Variants in USP44 observed in about 807,000 individuals in gnomAD.
The protein encoded by USP44 is ubiquitin specific peptidase 44, also known as ubiquitin carboxyl-terminal hydrolase 44.
Under a neutral mutation model 69.0 loss-of-function variants are expected in USP44, and 61 were observed. The observed-to-expected ratio is 0.88, with a 90% confidence interval of 0.72 to 1.09. The LOEUF (loss-of-function observed/expected upper bound fraction) is 1.09, where lower values mean the gene tolerates loss of function less well. USP44 is among the 50% of genes least tolerant of loss of function. The pLI is 0.00. For synonymous variants in USP44, 297 were observed against 295.4 expected (o/e 1.01, Z -0.06); for missense variants, 753 against 849.9 (o/e 0.89, Z 1.42).
Position 95,533,882 on chromosome 12 carries a change from T to C in USP44, c.375A>G (p.Thr125=), listed in dbSNP as rs1183098252. ...RSGRFLRSMG[T]GDDSYFLHDG... ...CATGTAAGAAATAAGAATCATCACC[T>C]GTACCCATGGACCGTAAAAACCTCC... The change falls in exon 2 of 6, where the codon ACA becomes ACG. Residue 125 remains threonine (T), a synonymous_variant. Coordinates refer to ENST00000258499, the MANE Select transcript of USP44 (RefSeq NM_032147.5). 1 of 1,614,204 alleles carries C rather than the reference T, an allele frequency of 6.2e-7. No homozygotes were observed. The highest frequency in any genetic ancestry group is 8.5e-7 in the Non-Finnish European group (1 of 1,180,026).
At position 95,533,072 on chromosome 12, in the gene USP44, T is replaced by C. The variant is rs1450800756; in HGVS notation, c.1185A>G (p.Gly395=). The change falls in exon 2 of 6, where the codon GGA becomes GGG. Residue 395 remains glycine, a synonymous_variant. Transcript: ENST00000258499. ...CAAATGGTGAGACCAACGCCCACTT[T>C]CCAGACCACATGACTTGGAACAAAG... ...LHTLFQVMWS[G]KWALVSPFAM... 4.3e-6 allele frequency: 7 copies of C among 1,614,230 alleles called. No homozygotes were observed. The highest frequency in any genetic ancestry group is 5.1e-6 in the Non-Finnish European group (6 of 1,180,048).
intron 4 of USP44, among the ~76,000 whole-genome samples, chr12:95,523,828 T>C (rs2076745993): frequency 6.6e-6 from 1 of 151,774 alleles, no homozygotes; most frequent in South Asian, 2.1e-4. Context: ...ATCAAAGGTA[T>C]TAGAAATATT....
Position 95,534,265 on chromosome 12 carries a change from T to A in USP44, c.-9A>T. The A allele has an allele frequency of 8.8e-6, 14 of 1,598,832 alleles. No homozygotes were observed. The highest frequency in any genetic ancestry group is 1.2e-5 in the Non-Finnish European group (14 of 1,170,346). Reference sequence around the variant, plus strand: ...GTATCCATTGCTAGCATTTATTTAGTCTAGCTGAGAAATGCATAATCCAAA... The same window carrying A: ...GTATCCATTGCTAGCATTTATTTAGACTAGCTGAGAAATGCATAATCCAAA... On this transcript the variant is annotated 5_prime_UTR_variant, in exon 2 of 6. Coordinates refer to ENST00000258499, the MANE Select transcript of USP44 (RefSeq NM_032147.5).
At position 95,546,375 on chromosome 12, in the gene USP44, C is replaced by A. The variant is rs550525717; in HGVS notation, c.-71+4897G>T. ...AAAACTCCATTAAAAATGAATTCTT[C>A]CTAATAAAGTTTTTTATGGCGTCTA... On this transcript the variant is annotated intron_variant, in intron 1 of 5. Transcript: ENST00000258499. The A allele has an allele frequency of 6.0e-4, 92 of 152,268 alleles. 1 individual carries two copies. Among genetic ancestry groups the A allele is most frequent in the African/African-American group, 2.2e-3 (91 of 41,536 alleles). The allele number at this position is 152,268 out of a possible 1,614,324, so 9.4% of individuals were successfully genotyped here. A position where few individuals can be genotyped will look rare whatever the true frequency, so the allele number is the denominator to read the frequency against.
At chr12:95,549,514 C>A (rs1424082332) in intron 1 of USP44, among the ~76,000 whole-genome samples, 4 of 152,166 alleles carry the variant, frequency 2.6e-5, no homozygotes, top group East Asian at 1.9e-4. Flanking sequence ...TTATTGGATT[C>A]TTTGTGTTCA....
intron 1 of USP44, among the ~76,000 whole-genome samples, chr12:95,541,942 T>C (rs2077404856): frequency 6.7e-6 from 1 of 149,862 alleles, no homozygotes; most frequent in Non-Finnish European, 1.5e-5. Context: ...AGCAGTGGTG[T>C]GATCTTGGCT....
At chr12:95,543,367 G>A (rs1301434215) in intron 1 of USP44, among the ~76,000 whole-genome samples, 1 of 137,696 alleles carries the variant, frequency 7.3e-6, no homozygotes, top group African/African-American at 2.8e-5. Flanking sequence ...TCATGCCACT[G>A]CAGCAGTCCA....
rs2077629541 is a variant in USP44, at chr12:95,548,044, C to T, written c.-71+3228G>A. ...CCGCGCACACTGACATATTTCTTAT[C>T]CCCCATAATGAATTCAGCCATATGG... On this transcript the variant is annotated intron_variant, in intron 1 of 5. Transcript: ENST00000258499. The surrounding 1 kb of genome is among the most constrained non-coding windows in gnomAD (Gnocchi z 4.1). The T allele has an allele frequency of 6.6e-6, 1 of 152,162 alleles. No homozygotes were observed. The highest frequency in any genetic ancestry group is 2.4e-5 in the African/African-American group (1 of 41,410). 9.4% of individuals were successfully genotyped at this position (152,162 alleles called of 1,614,324 possible).
At chr12:95,532,689 A>G (rs1394092667) in intron 2 of USP44, 140 bp downstream of exon 2, 3 of 679,142 alleles carry the variant, frequency 4.4e-6, no homozygotes, top group South Asian at 2.6e-5. Flanking sequence ...TGATTTCTCT[A>G]TACATATTTA....
chr12:95,547,074 A>G (rs1007479084), intron 1 of USP44: 1 of 152,238 alleles, frequency 6.6e-6, no homozygotes, highest in African/African-American at 2.4e-5. Context: ...TCCATTTTAA[A>G]TATTCCAAAA....
chr12:95,550,962 A>G (rs142509111), intron 1 of USP44, among the ~76,000 whole-genome samples: 1 of 152,294 alleles, frequency 6.6e-6, no homozygotes, highest in African/African-American at 2.4e-5. Context: ...AGATGTTTGT[A>G]GTTTAGCTTT....
Position 95,518,092 on chromosome 12 carries a change from T to C in USP44, c.*62A>G. ...CAAGAAAAAATGAAGTTTAAAATGG[T>C]ACATCAGTCTTTTAAAAAGTATATA... On this transcript the variant is annotated 3_prime_UTR_variant, in exon 6 of 6. Transcript: ENST00000258499. The C allele has an allele frequency of 6.4e-7, 1 of 1,551,566 alleles. No individual in the cohort carries two copies. Among genetic ancestry groups the C allele is most frequent in the East Asian group, 2.3e-5 (1 of 44,388 alleles).
At chr12:95,524,861 TTTAA>T in intron 3 of USP44, 73 bp from the exon 4 acceptor site, 3 of 1,312,394 alleles carry the variant, frequency 2.3e-6, no homozygotes, top group Middle Eastern at 1.9e-4. Context: ...GAACCTTCTT[TTTAA>T]TTAAGTCAGA....
chr12:95,533,485 T>G lies in USP44; in HGVS notation c.772A>C (p.Ser258Arg), dbSNP rs202154190. ...TSENEISQKV[S>R]DSSVKRRPIV... is the part of the protein sequence containing the mutation. ...GGCCTTCGTTTAACTGAGGAGTCAC[T>G]GACTTTTTGAGATATTTCATTTTCT... Residue 258 changes from serine (S) to arginine (R), a missense_variant, in exon 2 of 6, where the codon AGT (serine) becomes CGT (arginine). Coordinates refer to ENST00000258499, the MANE Select transcript of USP44 (RefSeq NM_032147.5). 4 of 1,614,218 alleles carry G rather than the reference T, an allele frequency of 2.5e-6. No homozygotes were observed. Among genetic ancestry groups the G allele is most frequent in the Middle Eastern group, 1.6e-4 (1 of 6,062 alleles).
intron 5 of USP44, among the ~76,000 whole-genome samples, chr12:95,519,493 A>G (rs529543311): frequency 7.5e-4 from 97 of 130,150 alleles, no homozygotes; most frequent in Non-Finnish European, 1.1e-3. Context: ...AGGCTGGAGT[A>G]CAGTGGCGCA....
chr12:95,542,953 T>C (rs1460646304), intron 1 of USP44, among the ~76,000 whole-genome samples: 1 of 148,732 alleles, frequency 6.7e-6, no homozygotes, highest in African/African-American at 2.5e-5. Flanking sequence ...CCAGGTATGG[T>C]GGTGGGCGCC....
Position 95,548,821 on chromosome 12 carries a change from C to G in USP44, c.-71+2451G>C, listed in dbSNP as rs931206980. ...AGCGCTCACCCCGGCCCCCCGCCCCCCGGTTCGGCGGCCGCGACGACCCGG... is the reference window on the plus strand; with the variant it reads ...AGCGCTCACCCCGGCCCCCCGCCCCGCGGTTCGGCGGCCGCGACGACCCGG... On this transcript the variant is annotated intron_variant, in intron 1 of 5. Transcript: ENST00000258499. The surrounding 1 kb of genome is among the most constrained non-coding windows in gnomAD (Gnocchi z 4.1). 2 of 152,078 alleles carry G rather than the reference C, an allele frequency of 1.3e-5. No individual in the cohort carries two copies. The highest frequency in any genetic ancestry group is 2.1e-4 in the South Asian group (1 of 4,832). 9.4% of individuals were successfully genotyped at this position (152,078 alleles called of 1,614,324 possible).
At chr12:95,526,243 T>C (rs1356353227) in intron 3 of USP44, among the ~76,000 whole-genome samples, 1 of 152,052 alleles carries the variant, frequency 6.6e-6, no homozygotes, top group African/African-American at 2.4e-5. Context: ...AAATAATACT[T>C]CATCATAACA....
In USP44 at chr12:95,534,217, G is replaced by A. The variant is rs201479662; in HGVS notation, c.40C>T (p.Gln14Ter). ...AGGCTGGAATGGTCTTGAGCAAGCT[G>A]CAGCTGCCCAACATGTTTGCACGTA... ...MDTCKHVGQL[Q>*]LAQDHSSLNP... Residue 14 changes from glutamine (Q) to a stop codon, truncating the protein, a stop_gained, in exon 2 of 6, where the codon CAG (glutamine) becomes TAG (stop). Transcript: ENST00000258499. LOFTEE classifies it high-confidence loss of function. The A allele has an allele frequency of 1.1e-5, 18 of 1,613,856 alleles. No individual in the cohort carries two copies. In the African/African-American group the frequency reaches 1.7e-4, roughly 16 times the overall value.
Sources: gnomAD v4.1 joint callset for allele counts (sites outside exome capture counted in the v4.1 genomes callset) on GRCh38, gnomAD v4.1.1 for gene constraint, Gnocchi (gnomAD v3.1) non-coding constraint, MANE v1.5 for transcripts, NCBI Gene and HGNC (gene_info 2026-07-23, HGNC 2026-07-21) for gene names.